Variants in PDCD6IP observed in about 807,000 individuals in gnomAD.
PDCD6IP encodes programmed cell death 6 interacting protein.
In PDCD6IP, 43 loss-of-function variants were observed where a neutral mutation model predicts 103.7. The ratio of observed to expected loss-of-function variants is 0.41; its 90% confidence interval spans 0.32 to 0.53. The LOEUF (loss-of-function observed/expected upper bound fraction) is 0.53, where lower values mean the gene tolerates loss of function less well. PDCD6IP is among the 20% of genes least tolerant of loss of function. The probability of loss-of-function intolerance (pLI) is 0.16; values close to 1 mark genes in which losing one functional copy is unlikely to be tolerated. For missense variants in PDCD6IP, 871 were observed against 1,036.7 expected, an observed-to-expected ratio of 0.84 and a Z score of 2.20; for synonymous variants, 354 against 378.7, an observed-to-expected ratio of 0.93 and a Z score of 0.76.
chr3:33,799,136 C>T (rs1317470660), intron 1 of PDCD6IP, 199 bp downstream of exon 1: 4 of 603,118 alleles, frequency 6.6e-6, no homozygotes, highest in Admixed American at 3.0e-5. Flanking sequence ...GCCCGCTTGT[C>T]CTGCCTGCAC....
chr3:33,841,209 G>C lies in PDCD6IP; in HGVS notation c.1182-688G>C, dbSNP rs556930637. ...CGCCTGACTAATTTTTGTACTTTTAGTAGAGATGGGGTTTCACCATGTTGG... is the reference window on the plus strand; with the variant it reads ...CGCCTGACTAATTTTTGTACTTTTACTAGAGATGGGGTTTCACCATGTTGG... On this transcript the variant is annotated intron_variant, in intron 9 of 17. Transcript: ENST00000307296. Among the ~76,000 whole-genome samples the C allele has an allele frequency of 4.3e-4, 65 of 151,706 alleles. 1 individual carries two copies. Among genetic ancestry groups the C allele is most frequent in the East Asian group, 3.9e-4 (2 of 5,148 alleles).
chr3:33,811,944 T>C (rs1165090499), intron 1 of PDCD6IP, 128 bp from the exon 2 acceptor site: 2 of 1,302,804 alleles, frequency 1.5e-6, no homozygotes, highest in Admixed American at 4.0e-5. Flanking sequence ...TTAAAAAACT[T>C]TTTTTCATAT....
intron 3 of PDCD6IP, among the ~76,000 whole-genome samples, chr3:33,814,586 TA>T: frequency 1.3e-5 from 1 of 75,204 alleles, no homozygotes; most frequent in South Asian, 4.7e-4. Context: ...ATTTCATGTA[TA>T]TTATATGTAT....
Position 33,832,984 on chromosome 3 carries a change from TTC to T in PDCD6IP, c.835-3058_835-3057del, listed in dbSNP as rs573272680. 2.5e-3 allele frequency among the ~76,000 whole-genome samples: 387 copies of T among 152,296 alleles called. 1 individual carries two copies. Among genetic ancestry groups the T allele is most frequent in the Non-Finnish European group, 4.2e-3 (287 of 68,006 alleles). The stretch of plus-strand genomic sequence containing the variant: ...TATATAAAAGTATGAATCATTGAAC[TTC>T]TGTTACCCAACTTAAGTGATTATCA... On this transcript the variant is annotated intron_variant, in intron 7 of 17. Transcript: ENST00000307296.
chr3:33,848,112 C>T (rs1159639145), intron 12 of PDCD6IP, among the ~76,000 whole-genome samples: 1 of 152,170 alleles, frequency 6.6e-6, no homozygotes, highest in Non-Finnish European at 1.5e-5. Flanking sequence ...GCTTTTACTC[C>T]TGATTTCTCA....
chr3:33,802,670 G>A (rs1028245821), intron 1 of PDCD6IP, among the ~76,000 whole-genome samples: 8 of 151,740 alleles, frequency 5.3e-5, no homozygotes, highest in African/African-American at 1.9e-4. Context: ...TTGTATTTTT[G>A]GTAGAGACGG....
intron 16 of PDCD6IP, 25 bp downstream of exon 16, chr3:33,864,154 A>G: frequency 7.6e-7 from 1 of 1,314,028 alleles, no homozygotes; most frequent in Non-Finnish European, 1.1e-6. Flanking sequence ...AAATATTTTA[A>G]ACAGAGGTTT....
intron 7 of PDCD6IP, among the ~76,000 whole-genome samples, chr3:33,831,152 T>C (rs1201434005): frequency 1.3e-5 from 2 of 152,112 alleles, no homozygotes; most frequent in African/African-American, 4.8e-5. Context: ...GCAGTTTATG[T>C]GGCCCCAGAA....
intron 4 of PDCD6IP, among the ~76,000 whole-genome samples, chr3:33,823,427 A>G (rs1697040158): frequency 1.3e-5 from 2 of 152,254 alleles, no homozygotes; most frequent in African/African-American, 4.8e-5. Context: ...TTGAATGGGC[A>G]TAGATGACAA....
At chr3:33,856,203 G>A (rs1697825635) in intron 15 of PDCD6IP, among the ~76,000 whole-genome samples, 1 of 152,204 alleles carries the variant, frequency 6.6e-6, no homozygotes, top group Admixed American at 6.5e-5. Context: ...TGGAAAAATT[G>A]TCTTCCATGA....
rs759042536 is a variant in PDCD6IP, at chr3:33,865,233, T to C, written c.2245-10T>C. The C allele has an allele frequency of 6.6e-7, 1 of 1,512,108 alleles. No homozygotes were observed. Among genetic ancestry groups the C allele is most frequent in the South Asian group, 1.3e-5 (1 of 74,460 alleles). 93.7% of individuals were successfully genotyped at this position (1,512,108 alleles called of 1,614,324 possible). A position where few individuals can be genotyped will look rare whatever the true frequency, so the allele number is the denominator to read the frequency against. ...AACATTTTATAGTCAATGCTGACTT[T>C]TTCTTATAGCCTACTAAGCCCCAGC... On this transcript the variant is annotated splice_polypyrimidine_tract_variant and intron_variant, in intron 16 of 17. Coordinates refer to ENST00000307296, the MANE Select transcript of PDCD6IP (RefSeq NM_013374.6).
chr3:33,799,076 C>T, intron 1 of PDCD6IP, 139 bp downstream of exon 1: 1 of 830,290 alleles, frequency 1.2e-6, no homozygotes, highest in African/African-American at 1.7e-5. Context: ...TAGGTGTGGT[C>T]TGCATTCTTT....
intron 1 of PDCD6IP, among the ~76,000 whole-genome samples, chr3:33,810,823 T>C (rs1258235780): frequency 6.6e-6 from 1 of 152,020 alleles, no homozygotes; most frequent in Non-Finnish European, 1.5e-5. Flanking sequence ...ACAAAAAAAG[T>C]TCACATTGAT....
intron 3 of PDCD6IP, among the ~76,000 whole-genome samples, chr3:33,814,596 A>AT (rs1380730245): frequency 6.3e-4 from 86 of 137,068 alleles, no homozygotes; most frequent in African/African-American, 2.1e-3. Flanking sequence ...TATTATATGT[A>AT]TATATGTATT....
chr3:33,852,759 G>A (rs370267290), intron 13 of PDCD6IP, 23 bp downstream of exon 13: 3 of 1,559,862 alleles, frequency 1.9e-6, no homozygotes, highest in Middle Eastern at 3.5e-4. Flanking sequence ...TATTTAATAA[G>A]ATCTGTGTTT....
In PDCD6IP at chr3:33,865,340, C is replaced by A. The variant is rs1401374681; in HGVS notation, c.2342C>A (p.Thr781Asn). ...ATAPSPVGAG[T>N]AAPAPSQTPG... Reference sequence around the variant, plus strand: ...GCTCCATCTCCAGTGGGGGCTGGGACTGCTGCGCCAGCTCCATCACAAACG... The same window carrying A: ...GCTCCATCTCCAGTGGGGGCTGGGAATGCTGCGCCAGCTCCATCACAAACG... Residue 781 changes from threonine to asparagine, a missense_variant, in exon 17 of 18, where the codon ACT becomes AAT. Around this residue, in one of 5 missense-constraint regions of PDCD6IP, gnomAD observed 202 missense variants for 205.2 expected, o/e 0.98. Transcript: ENST00000307296. 1.3e-6 allele frequency: 2 copies of A among 1,599,510 alleles called. No homozygotes were observed. The highest frequency in any genetic ancestry group is 1.7e-6 in the Non-Finnish European group (2 of 1,173,674).
chr3:33,846,156 G>A (rs1018416688), intron 12 of PDCD6IP, among the ~76,000 whole-genome samples: 66 of 152,322 alleles, frequency 4.3e-4, no homozygotes, highest in African/African-American at 1.4e-3. Context: ...CAGGGAGATA[G>A]GGTAAGTTAG....
intron 13 of PDCD6IP, among the ~76,000 whole-genome samples, chr3:33,853,535 A>G (rs1469684595): frequency 1.3e-5 from 2 of 152,328 alleles, no homozygotes; most frequent in East Asian, 3.9e-4. Context: ...AATATGCAAA[A>G]TTAAACATAT....
In PDCD6IP at chr3:33,865,270, C is replaced by T. The variant is rs1698037406; in HGVS notation, c.2272C>T (p.Pro758Ser). ...TACTAAGCCCCAGCCCCCAGCCAGG[C>T]CTCCACCACCTGTGCTTCCAGCAAA... The part of the protein sequence containing the change: ...PPTKPQPPAR[P>S]PPPVLPANRA... The change falls in exon 17 of 18, where the codon CCT (proline) becomes TCT (serine). Residue 758 changes from proline to serine, a missense_variant. Physicochemically the swap from Pro to Ser is moderately conservative, Grantham distance 74. Coordinates refer to ENST00000307296, the MANE Select transcript of PDCD6IP (RefSeq NM_013374.6). The T allele has an allele frequency of 1.3e-6, 2 of 1,573,134 alleles. No individual in the cohort carries two copies. The highest frequency in any genetic ancestry group is 1.4e-5 in the African/African-American group (1 of 72,024).
Sources: allele counts gnomAD v4.1 joint callset (sites outside exome capture counted in the v4.1 genomes callset), GRCh38; gene constraint gnomAD v4.1.1; regional missense constraint gnomAD v4.1.1; transcripts MANE v1.5; gene names NCBI Gene and HGNC (gene_info 2026-07-23, HGNC 2026-07-21).